HPSE2: variants seen among roughly 807,000 people sequenced by gnomAD.
The protein encoded by HPSE2 is heparanase 2 (inactive), also known as inactive heparanase-2.
A neutral mutation model predicts 60.5 loss-of-function variants in HPSE2; 38 were observed. That is an observed-to-expected ratio of 0.63 (90% CI 0.48 to 0.82). The LOEUF (loss-of-function observed/expected upper bound fraction) is 0.82. Among genes scored for constraint, HPSE2 ranks in the 40% least tolerant of loss-of-function variants. The pLI is 0.00. For missense variants in HPSE2, 713 were observed against 740.4 expected, an observed-to-expected ratio of 0.96 and a Z score of 0.43; for synonymous variants, 295 against 293.2, an observed-to-expected ratio of 1.01 and a Z score of -0.06.
intron 5 of HPSE2, among the ~76,000 whole-genome samples, chr10:98,719,148 G>A (rs1041234307): frequency 6.6e-6 from 1 of 151,960 alleles, no homozygotes; most frequent in Non-Finnish European, 1.5e-5. Context: ...TTACAATTAT[G>A]CATACTGTTT....
chr10:98,966,695 A>G (rs1187181264), intron 3 of HPSE2, among the ~76,000 whole-genome samples: 1 of 152,180 alleles, frequency 6.6e-6, no homozygotes, highest in African/African-American at 2.4e-5. Flanking sequence ...GGTAGAAAAA[A>G]TAAGTTCTAA....
intron 6 of HPSE2, among the ~76,000 whole-genome samples, chr10:98,643,934 G>T (rs868321607): frequency 6.6e-6 from 1 of 151,988 alleles, no homozygotes; most frequent in African/African-American, 2.4e-5. Flanking sequence ...TTCTCAATTA[G>T]TTCCCAGTAA....
intron 3 of HPSE2, among the ~76,000 whole-genome samples, chr10:98,894,466 T>C (rs1490318251): frequency 2.6e-5 from 4 of 151,898 alleles, no homozygotes; most frequent in Non-Finnish European, 5.9e-5. Context: ...TAAAGTTCAA[T>C]AAAAGATTAA....
At chr10:99,048,365 T>TA in intron 3 of HPSE2, 12 of 228,608 alleles carry the variant, frequency 5.2e-5, no homozygotes, top group Middle Eastern at 1.7e-3. Flanking sequence ...GCTCTCAAAC[T>TA]GAAAAAAAAA....
chr10:98,675,982 G>T (rs916908960), intron 6 of HPSE2, among the ~76,000 whole-genome samples: 2 of 151,884 alleles, frequency 1.3e-5, no homozygotes, highest in Non-Finnish European at 2.9e-5. Context: ...GATAGAGGCT[G>T]CAGTGAGCTT....
chr10:98,490,343 C>T, intron 9 of HPSE2, 147 bp from the exon 10 acceptor site: 1 of 1,003,338 alleles, frequency 1.0e-6, no homozygotes, highest in Non-Finnish European at 1.5e-6. Context: ...CCAATGCAGC[C>T]CTAAGCCTAC....
At chr10:98,521,868 C>T (rs557073073) in intron 9 of HPSE2, among the ~76,000 whole-genome samples, 2 of 152,146 alleles carry the variant, frequency 1.3e-5, no homozygotes, top group South Asian at 2.1e-4. Context: ...TCATTCTCAG[C>T]AAACTATCAC....
At chr10:99,275,836 A>G in the HPSE2 span, among the ~76,000 whole-genome samples, 1 of 152,264 alleles carries the variant, frequency 6.6e-6, no homozygotes, top group Non-Finnish European at 1.5e-5. Context: ...CAGAACATCT[A>G]GGGCATGGGA....
At chr10:99,103,077 C>T (rs1432424766) in intron 3 of HPSE2, among the ~76,000 whole-genome samples, 2 of 152,152 alleles carry the variant, frequency 1.3e-5, no homozygotes, top group Non-Finnish European at 2.9e-5. Context: ...CGGCATAAGA[C>T]AGGGATGCCC....
At chr10:99,240,285 T>C (rs1295445936), upstream of HPSE2, among the ~76,000 whole-genome samples, 1 of 152,080 alleles carries the variant, frequency 6.6e-6, no homozygotes, top group Non-Finnish European at 1.5e-5. Flanking sequence ...GTAACCAACA[T>C]GGGTACTAGG....
chr10:99,064,618 T>C (rs1342879438), intron 3 of HPSE2, among the ~76,000 whole-genome samples: 1 of 151,416 alleles, frequency 6.6e-6, no homozygotes, highest in Admixed American at 6.6e-5. Flanking sequence ...TATATATATA[T>C]ATATATCTCC....
intron 3 of HPSE2, among the ~76,000 whole-genome samples, chr10:98,750,380 C>T (rs1312975928): frequency 6.6e-6 from 1 of 152,120 alleles, no homozygotes; most frequent in Non-Finnish European, 1.5e-5. Context: ...GGCTTTTGCC[C>T]TCATTGACAT....
chr10:99,188,757 A>G (rs765038340), intron 2 of HPSE2, among the ~76,000 whole-genome samples: 2 of 152,230 alleles, frequency 1.3e-5, no homozygotes, highest in Non-Finnish European at 2.9e-5. Context: ...GAGCTTTTGG[A>G]CAAGTGAAAT....
chr10:98,710,226 CCTCT>C (rs974114771), intron 5 of HPSE2, among the ~76,000 whole-genome samples: 4 of 151,752 alleles, frequency 2.6e-5, no homozygotes, highest in Non-Finnish European at 4.4e-5. Flanking sequence ...GAAATATTGA[CCTCT>C]CTCTCTCTTT....
chr10:98,979,512 T>C (rs942003720), intron 3 of HPSE2, among the ~76,000 whole-genome samples: 28 of 152,204 alleles, frequency 1.8e-4, no homozygotes, highest in African/African-American at 6.8e-4. Context: ...CCTTTTCAGC[T>C]AGTGCTTTAT....
At chr10:99,273,730 T>C in the HPSE2 span, among the ~76,000 whole-genome samples, 1 of 152,066 alleles carries the variant, frequency 6.6e-6, no homozygotes, top group Non-Finnish European at 1.5e-5. Flanking sequence ...GACAGATGGA[T>C]GATGGATGGA....
At chr10:99,300,119 A>G in the HPSE2 span, among the ~76,000 whole-genome samples, 130,299 of 151,922 alleles carry the variant, frequency 0.86, 56,267 homozygotes, top group African/African-American at 0.93. Context: ...TGTCAAGGAA[A>G]TGTCATGAGA....
intron 3 of HPSE2, among the ~76,000 whole-genome samples, chr10:99,104,938 G>T (rs940648069): frequency 6.6e-6 from 1 of 151,900 alleles, no homozygotes; most frequent in Non-Finnish European, 1.5e-5. Context: ...GGGAGGGATA[G>T]CATTAGGAGA....
rs562384389 is a variant in HPSE2, at chr10:98,698,559, C to T, written c.957-4612G>A. On this transcript the variant is annotated intron_variant, in intron 5 of 11. Coordinates refer to ENST00000370552, the MANE Select transcript of HPSE2 (RefSeq NM_021828.5). The stretch of plus-strand genomic sequence containing the variant: ...AGCGGGAAAGATCCAAAATTGACAC[C>T]CTAACATCCCAATTAAAAGAACTAG... Among the ~76,000 whole-genome samples the T allele has an allele frequency of 2.1e-4, 32 of 151,874 alleles. No homozygotes were observed. The South Asian group carries it at 6.7e-3, about 32-fold the overall frequency.
Sources: allele counts gnomAD v4.1 joint callset (sites outside exome capture counted in the v4.1 genomes callset), GRCh38; gene constraint gnomAD v4.1.1; transcripts MANE v1.5; gene names NCBI Gene and HGNC (gene_info 2026-07-23, HGNC 2026-07-21).